The following DUSP14 variants were observed in gnomAD, a reference collection of about 807,000 sequenced individuals.
DUSP14 encodes dual specificity phosphatase 14.
In DUSP14, 5 loss-of-function variants were observed where a neutral mutation model predicts 13.2. That is an observed-to-expected ratio of 0.38 (90% CI 0.20 to 0.80). The LOEUF (loss-of-function observed/expected upper bound fraction) is 0.80. DUSP14 is among the 30% of genes least tolerant of loss of function. DUSP14 has a pLI of 0.44. For missense variants in DUSP14, 185 were observed against 264.0 expected (o/e 0.70, Z 2.07); for synonymous variants, 91 against 103.4 (o/e 0.88, Z 0.73).
At chr17:37,508,975 T>C (rs2143113746) in intron 1 of DUSP14, among the ~76,000 whole-genome samples, 1 of 143,150 alleles carries the variant, frequency 7.0e-6, no homozygotes, top group Middle Eastern at 3.7e-3. Flanking sequence ...AGTAGGTGAA[T>C]GGATAAACAG....
chr17:37,507,098 A>G (rs113901250), intron 1 of DUSP14, among the ~76,000 whole-genome samples: 1 of 152,060 alleles, frequency 6.6e-6, no homozygotes, highest in Non-Finnish European at 1.5e-5. Context: ...TCAAGTTGAA[A>G]TCTCTCACCC....
chr17:37,490,369 A>G (rs1168533851), intron 1 of DUSP14, among the ~76,000 whole-genome samples: 1 of 152,128 alleles, frequency 6.6e-6, no homozygotes, highest in African/African-American at 2.4e-5. Flanking sequence ...CGCTTTTTGC[A>G]TCTCCCCGAG....
At chr17:37,504,834 G>A (rs981040798) in intron 1 of DUSP14, among the ~76,000 whole-genome samples, 1 of 152,154 alleles carries the variant, frequency 6.6e-6, no homozygotes, top group Non-Finnish European at 1.5e-5. Context: ...TCCTGCCGCA[G>A]CCTCCCAAAA....
intron 1 of DUSP14, among the ~76,000 whole-genome samples, chr17:37,497,645 A>G (rs1025353871): frequency 2.6e-5 from 4 of 151,304 alleles, no homozygotes; most frequent in African/African-American, 9.7e-5. Context: ...CTATCGTTAC[A>G]GCTACTTGGG....
intron 1 of DUSP14, among the ~76,000 whole-genome samples, chr17:37,509,137 A>ATGTATATATATATG (rs1568204463): frequency 2.2e-5 from 1 of 46,442 alleles, no homozygotes; most frequent in African/African-American, 1.1e-4. Context: ...ATACACACAC[A>ATGTATATATATATG]CACACACACA....
chr17:37,505,841 T>G (rs572816113), intron 1 of DUSP14, among the ~76,000 whole-genome samples: 28 of 152,264 alleles, frequency 1.8e-4, no homozygotes, highest in South Asian at 1.0e-3. Context: ...TCAGGTGTTA[T>G]TAATATTAGT....
chr17:37,503,660 C>T (rs1413968500), intron 1 of DUSP14, among the ~76,000 whole-genome samples: 1 of 152,146 alleles, frequency 6.6e-6, no homozygotes, highest in East Asian at 1.9e-4. Flanking sequence ...AACAGATTAC[C>T]CCATGGTACC....
At chr17:37,503,425 C>CAAAAACAAAACA (rs2054117877) in intron 1 of DUSP14, among the ~76,000 whole-genome samples, 1 of 151,914 alleles carries the variant, frequency 6.6e-6, no homozygotes, top group Admixed American at 6.6e-5. Context: ...GACCCTGTGT[C>CAAAAACAAAACA]AAAAACAAAA....
intron 1 of DUSP14, among the ~76,000 whole-genome samples, chr17:37,501,362 G>A (rs1166394213): frequency 6.6e-6 from 1 of 152,198 alleles, no homozygotes; most frequent in African/African-American, 2.4e-5. Flanking sequence ...GATTCGGTAG[G>A]TCTTGGAATA....
At chr17:37,498,314 CTTTTTTTTTTTTT>C (rs765033929) in intron 1 of DUSP14, among the ~76,000 whole-genome samples, 22 of 70,558 alleles carry the variant, frequency 3.1e-4, no homozygotes, top group African/African-American at 1.0e-3. Flanking sequence ...TAGATTGTAT[CTTTTTTTTTTTTT>C]TTTTTTTTTT....
chr17:37,498,663 A>G (rs1398813252), intron 1 of DUSP14, among the ~76,000 whole-genome samples: 1 of 135,076 alleles, frequency 7.4e-6, no homozygotes, highest in African/African-American at 2.9e-5. Context: ...ACTGTATTAT[A>G]TGAAAGTAAT....
intron 1 of DUSP14, among the ~76,000 whole-genome samples, chr17:37,499,589 C>T (rs1373183715): frequency 1.3e-5 from 2 of 152,040 alleles, no homozygotes; most frequent in South Asian, 4.1e-4. Context: ...AGTGAACTGG[C>T]GCGATCTCGG....
intron 1 of DUSP14, among the ~76,000 whole-genome samples, chr17:37,508,883 T>G (rs1300126966): frequency 2.0e-5 from 3 of 148,514 alleles, no homozygotes; most frequent in African/African-American, 7.4e-5. Context: ...GGAAGGCATA[T>G]GTACGCACAA....
chr17:37,513,475 TAATA>T lies in DUSP14; in HGVS notation c.*610_*613del, dbSNP rs527916044. Reference sequence around the variant, plus strand: ...CCCAGGATTATATTAGCATTATTTTTAATAAATCTATATGCTTAACATATTAGAA... The same window carrying T: ...CCCAGGATTATATTAGCATTATTTTTAATCTATATGCTTAACATATTAGAA... On this transcript the variant is annotated 3_prime_UTR_variant, in exon 3 of 3. Transcript: ENST00000617516. 6.0e-4 allele frequency: 101 copies of T among 167,232 alleles called. No homozygotes were observed. Among genetic ancestry groups the T allele is most frequent in the Non-Finnish European group, 1.2e-3 (81 of 68,136 alleles). 10.4% of individuals were successfully genotyped at this position (167,232 alleles called of 1,614,324 possible). A position where few individuals can be genotyped will look rare whatever the true frequency, so the allele number is the denominator to read the frequency against.
chr17:37,501,252 C>A (rs575782176), intron 1 of DUSP14, among the ~76,000 whole-genome samples: 2 of 152,314 alleles, frequency 1.3e-5, no homozygotes, highest in South Asian at 4.1e-4. Context: ...CAGATTTTCA[C>A]ATTGTATTAA....
Position 37,511,386 on chromosome 17 carries a change from G to A in DUSP14, c.-93+622G>A, listed in dbSNP as rs1050475859. On this transcript the variant is annotated intron_variant, in intron 2 of 2. Transcript: ENST00000617516. ...ACCTCCGCCTCCCAGGTTCAAGCGT[G>A]TCTCTTGCCTCAGCCTCCCGAGTAG... Among the ~76,000 whole-genome samples the A allele has an allele frequency of 5.3e-5, 8 of 151,914 alleles. No individual in the cohort carries two copies. The East Asian group carries it at 5.8e-4, about 11-fold the overall frequency.
chr17:37,494,036 C>G (rs1175303901), intron 1 of DUSP14, among the ~76,000 whole-genome samples: 3 of 151,448 alleles, frequency 2.0e-5, no homozygotes, highest in African/African-American at 7.3e-5. Context: ...CTCTGTCGCC[C>G]AGGCTGGAGT....
chr17:37,493,019 A>G (rs1029794471), intron 1 of DUSP14, among the ~76,000 whole-genome samples: 10 of 151,928 alleles, frequency 6.6e-5, no homozygotes, highest in African/African-American at 2.2e-4. Context: ...ATGTGTATGT[A>G]TGTGTGTGTG....
chr17:37,499,509 A>G (rs1052664203), intron 1 of DUSP14, among the ~76,000 whole-genome samples: 1 of 151,514 alleles, frequency 6.6e-6, no homozygotes, highest in Non-Finnish European at 1.5e-5. Flanking sequence ...CCGACCCTCT[A>G]GAAGTGTTTT....
Sources: allele counts gnomAD v4.1 joint callset (sites outside exome capture counted in the v4.1 genomes callset), GRCh38; gene constraint gnomAD v4.1.1; transcripts MANE v1.5; gene names NCBI Gene and HGNC (gene_info 2026-07-23, HGNC 2026-07-21).